Variants in RBBP5 observed in about 807,000 individuals in gnomAD.
The protein encoded by RBBP5 is retinoblastoma-binding protein 5.
A neutral mutation model predicts 72.2 loss-of-function variants in RBBP5; 5 were observed. The observed-to-expected ratio is 0.07, with a 90% CI of 0.04 to 0.15. The LOEUF (loss-of-function observed/expected upper bound fraction) is 0.15. Ranked by LOEUF, RBBP5 falls within the 10% of genes least tolerant of loss-of-function variation. The pLI is 1.00. For missense variants in RBBP5, 322 were observed against 652.2 expected, an observed-to-expected ratio of 0.49 and a Z score of 5.51; for synonymous variants, 209 against 237.2, an observed-to-expected ratio of 0.88 and a Z score of 1.09.
At chr1:205,110,354 A>AT (rs1336741132) in intron 3 of RBBP5, among the ~76,000 whole-genome samples, 1 of 151,926 alleles carries the variant, frequency 6.6e-6, no homozygotes, top group Non-Finnish European at 1.5e-5. Context: ...ATCCTGGGCC[A>AT]TTTTTTCTCT....
intron 4 of RBBP5, among the ~76,000 whole-genome samples, 190 bp downstream of exon 4, chr1:205,104,838 A>G (rs1176860254): frequency 6.6e-6 from 1 of 151,958 alleles, no homozygotes; most frequent in African/African-American, 2.4e-5. Flanking sequence ...ACTCTGTCTC[A>G]AAAAAAAGAA....
chr1:205,110,066 C>T (rs1574711129), intron 3 of RBBP5, among the ~76,000 whole-genome samples: 1 of 151,772 alleles, frequency 6.6e-6, no homozygotes, highest in Non-Finnish European at 1.5e-5. Flanking sequence ...GACAGGGTCT[C>T]GCTCTGTCGC....
chr1:205,108,484 A>G (rs898782114), intron 3 of RBBP5, among the ~76,000 whole-genome samples: 2 of 152,232 alleles, frequency 1.3e-5, no homozygotes, highest in African/African-American at 4.8e-5. Flanking sequence ...TGTATGATGT[A>G]AAACCTAGTA....
Position 205,094,892 on chromosome 1 carries a change from T to C in RBBP5, c.1569A>G (p.Glu523=), listed in dbSNP as rs1655552671. The C allele has an allele frequency of 6.2e-7, 1 of 1,613,726 alleles. No homozygotes were observed. The highest frequency in any genetic ancestry group is 8.5e-7 in the Non-Finnish European group (1 of 1,179,832). ...EGSAKGKVQA[E]LSQPLTAGGA... ...CCTTACCTGTCAAGGGCTGGCTGAGTTCCGCCTGCACTTTACCCTTCGCTG... is the reference window on the plus strand; with the variant it reads ...CCTTACCTGTCAAGGGCTGGCTGAGCTCCGCCTGCACTTTACCCTTCGCTG... Residue 523 remains glutamate, a synonymous_variant, in exon 13 of 14, where the codon GAA becomes GAG. Coordinates refer to ENST00000264515, the MANE Select transcript of RBBP5 (RefSeq NM_005057.4).
intron 2 of RBBP5, 67 bp from the exon 3 acceptor site, chr1:205,115,028 GTTCT>G (rs748494722): frequency 3.1e-5 from 42 of 1,371,890 alleles, no homozygotes; most frequent in Non-Finnish European, 3.9e-5. Context: ...TTTCCTAAAG[GTTCT>G]TTATCACTTG....
intron 3 of RBBP5, among the ~76,000 whole-genome samples, chr1:205,109,997 G>T (rs938529615): frequency 6.6e-6 from 1 of 151,742 alleles, no homozygotes; most frequent in African/African-American, 2.4e-5. Flanking sequence ...TTTCCCTATA[G>T]CTAACTTCTG....
intron 3 of RBBP5, among the ~76,000 whole-genome samples, chr1:205,109,350 A>G (rs1201789243): frequency 6.6e-6 from 1 of 152,176 alleles, no homozygotes; most frequent in Non-Finnish European, 1.5e-5. Context: ...ACCAAGAAAA[A>G]GCAATACACA....
chr1:205,101,554 C>T (rs1388970766), intron 6 of RBBP5, 46 bp downstream of exon 6: 2 of 1,359,104 alleles, frequency 1.5e-6, no homozygotes, highest in Admixed American at 4.4e-5. Flanking sequence ...TTTTTGCATT[C>T]TATTCACTCT....
At chr1:205,106,396 A>G (rs780246324) in intron 3 of RBBP5, among the ~76,000 whole-genome samples, 3 of 152,308 alleles carry the variant, frequency 2.0e-5, no homozygotes, top group East Asian at 1.9e-4. Flanking sequence ...AGAGTTTGAG[A>G]CCAGCCTGGC....
In RBBP5 at chr1:205,094,874, T is replaced by A; in HGVS notation, c.1587A>T (p.Thr529=). 6.2e-7 allele frequency: 1 copy of A among 1,613,090 alleles called. No homozygotes were observed. Among genetic ancestry groups the A allele is most frequent in the East Asian group, 2.2e-5 (1 of 44,856 alleles). ...ACAATGCTCCCAATGTGTCCTTACC[T>A]GTCAAGGGCTGGCTGAGTTCCGCCT... ...KVQAELSQPL[T]AGGAISELL is the part of the protein sequence containing the mutation. Residue 529 remains threonine (T), a splice_region_variant and synonymous_variant, in exon 13 of 14, where the codon ACA becomes ACT. Coordinates refer to ENST00000264515, the MANE Select transcript of RBBP5 (RefSeq NM_005057.4).
In RBBP5 at chr1:205,099,854, A is replaced by G; in HGVS notation, c.907-42T>C. The stretch of plus-strand genomic sequence containing the variant: ...GAAAGAAAAACAGGTTGTTAAGAAC[A>G]GATTTTAGATTTTTTGGATTATGTG... On this transcript the variant is annotated intron_variant, in intron 8 of 13. Transcript: ENST00000264515. The surrounding 1 kb of genome is among the most constrained non-coding windows in gnomAD (Gnocchi z 4.7). 6.2e-7 allele frequency: 1 copy of G among 1,613,588 alleles called. No individual in the cohort carries two copies. Among genetic ancestry groups the G allele is most frequent in the Non-Finnish European group, 8.5e-7 (1 of 1,179,568 alleles).
At chr1:205,101,736 A>G (rs1655830543) in intron 5 of RBBP5, 27 bp from the exon 6 acceptor site, 2 of 1,502,624 alleles carry the variant, frequency 1.3e-6, no homozygotes, top group African/African-American at 1.4e-5. Flanking sequence ...GGGGGAAAAA[A>G]GTAAGTGTTC....
chr1:205,116,522 A>G (rs749434976), intron 1 of RBBP5, among the ~76,000 whole-genome samples: 1 of 152,214 alleles, frequency 6.6e-6, no homozygotes, highest in East Asian at 1.9e-4. Context: ...CAAATTTACT[A>G]AGGTAAGAGC....
At chr1:205,104,105 A>G (rs774507233) in intron 4 of RBBP5, 86 bp from the exon 5 acceptor site, 272 of 1,394,620 alleles carry the variant, frequency 2.0e-4, no homozygotes, top group Non-Finnish European at 2.5e-4. Flanking sequence ...CCCTGTCCAT[A>G]CCCTCATCAA....
intron 13 of RBBP5, chr1:205,091,059 C>G (rs1201843557): frequency 6.6e-6 from 1 of 152,328 alleles, no homozygotes; most frequent in East Asian, 1.9e-4. Context: ...TGGTGCCTGT[C>G]CACTCCCAGA....
chr1:205,090,259 AC>A (rs1419801680), intron 13 of RBBP5, among the ~76,000 whole-genome samples: 1 of 152,230 alleles, frequency 6.6e-6, no homozygotes, highest in Non-Finnish European at 1.5e-5. Context: ...TCCCACAGGT[AC>A]CCTGACCAAT....
chr1:205,101,542 T>C (rs1655822263), intron 6 of RBBP5, 58 bp downstream of exon 6: 2 of 1,220,328 alleles, frequency 1.6e-6, no homozygotes, highest in African/African-American at 3.1e-5. Context: ...AATCTCCATG[T>C]ATTTTTGCAT....
At position 205,103,837 on chromosome 1, in the gene RBBP5, T is replaced by A; in HGVS notation, c.522+20A>T. ...TGAGCCAGTGTACAAGATGCCTGAT[T>A]TGCCAGCTTTTAGGCTTACCTTGCC... On this transcript the variant is annotated intron_variant, in intron 5 of 13. Coordinates refer to ENST00000264515, the MANE Select transcript of RBBP5 (RefSeq NM_005057.4). 6.2e-7 allele frequency: 1 copy of A among 1,602,826 alleles called. No individual in the cohort carries two copies. Among genetic ancestry groups the A allele is most frequent in the South Asian group, 1.1e-5 (1 of 90,814 alleles).
At chr1:205,119,761 GA>G (rs1014876478) in intron 1 of RBBP5, among the ~76,000 whole-genome samples, 1 of 152,186 alleles carries the variant, frequency 6.6e-6, no homozygotes, top group Non-Finnish European at 1.5e-5. Flanking sequence ...GAAGGCACTT[GA>G]AAATCTGCCT....
Sources: allele counts gnomAD v4.1 joint callset (sites outside exome capture counted in the v4.1 genomes callset), GRCh38; gene constraint gnomAD v4.1.1; non-coding constraint Gnocchi (gnomAD v3.1); transcripts MANE v1.5; gene names NCBI Gene and HGNC (gene_info 2026-07-23, HGNC 2026-07-21).